The following EXOC5 variants were observed in gnomAD, a reference collection of about 807,000 sequenced individuals.
EXOC5 encodes the protein exocyst complex component 5.
Under a neutral mutation model 90.8 loss-of-function variants are expected in EXOC5, and 17 were observed. The ratio of observed to expected loss-of-function variants is 0.19; its 90% CI spans 0.13 to 0.28. The LOEUF (loss-of-function observed/expected upper bound fraction) is 0.28, where lower values mean the gene tolerates loss of function less well. Among genes scored for constraint, EXOC5 ranks in the 10% least tolerant of loss-of-function variants. EXOC5 has a pLI of 1.00. For synonymous variants in EXOC5, 260 were observed against 270.0 expected (o/e 0.96, Z 0.36); for missense variants, 569 against 830.6 (o/e 0.69, Z 3.87).
intron 12 of EXOC5, among the ~76,000 whole-genome samples, chr14:57,224,587 C>T (rs1883246955): frequency 6.6e-6 from 1 of 152,094 alleles, no homozygotes; most frequent in Non-Finnish European, 1.5e-5. Flanking sequence ...AGTTTAAAAT[C>T]CTCACACACA....
intron 12 of EXOC5, among the ~76,000 whole-genome samples, chr14:57,228,484 GA>G (rs1261933671): frequency 1.3e-5 from 2 of 152,124 alleles, no homozygotes; most frequent in African/African-American, 4.8e-5. Flanking sequence ...ACTGGATAAA[GA>G]AAATGTGGCA....
At chr14:57,220,626 C>A (rs1185805624) in intron 13 of EXOC5, among the ~76,000 whole-genome samples, 1 of 151,618 alleles carries the variant, frequency 6.6e-6, no homozygotes, top group East Asian at 2.0e-4. Flanking sequence ...AAAGTAAGAC[C>A]CCAACTCTAC....
intron 1 of EXOC5, chr14:57,268,317 C>G (rs1049399892): frequency 1.3e-5 from 8 of 620,494 alleles, no homozygotes; most frequent in Non-Finnish European, 1.9e-5. Flanking sequence ...TAGACATCTT[C>G]CAACACCCGA....
At chr14:57,249,815 A>T (rs1884136475) in intron 1 of EXOC5, among the ~76,000 whole-genome samples, 1 of 152,188 alleles carries the variant, frequency 6.6e-6, no homozygotes, top group African/African-American at 2.4e-5. Context: ...CTTGTTGCCC[A>T]GGCTGGAGTG....
Position 57,246,837 on chromosome 14 carries a change from A to T in EXOC5, c.144T>A (p.Asn48Lys). 1.3e-6 allele frequency: 2 copies of T among 1,579,238 alleles called. No individual in the cohort carries two copies. Among genetic ancestry groups the T allele is most frequent in the Non-Finnish European group, 8.6e-7 (1 of 1,156,180 alleles). ...DPKRLLEEFVNHIQELQIMDE... is the reference protein window; with the variant it reads ...DPKRLLEEFVKHIQELQIMDE... ...CCATTATCTGGAGTTCCTGAATATG[A>T]TTTACAAATTCTTCTAATAATCTAA... The change falls in exon 3 of 18, where the codon AAT becomes AAA. Residue 48 changes from asparagine (N) to lysine (K), a missense_variant. Around this residue, in one of 9 missense-constraint regions of EXOC5, gnomAD observed 45 missense variants for 44.6 expected, o/e 1.01. Coordinates refer to ENST00000621441, the MANE Select transcript of EXOC5 (RefSeq NM_006544.4).
intron 12 of EXOC5, among the ~76,000 whole-genome samples, chr14:57,228,143 C>G (rs926589437): frequency 6.6e-6 from 1 of 151,918 alleles, no homozygotes; most frequent in African/African-American, 2.4e-5. Flanking sequence ...CAAATCAAAA[C>G]CACAATGAGA....
rs544692998 is a variant in EXOC5 at position 57,251,999 on chromosome 14, C to T, written c.28-4287G>A. Among the ~76,000 whole-genome samples the T allele has an allele frequency of 2.6e-5, 4 of 152,202 alleles. No individual in the cohort carries two copies. The South Asian group carries it at 6.2e-4, about 24-fold the overall frequency. On this transcript the variant is annotated intron_variant, in intron 1 of 17. Coordinates refer to ENST00000621441, the MANE Select transcript of EXOC5 (RefSeq NM_006544.4). ...CCTAGAAACACAAAATCTACCAAGG[C>T]TAAATCCTGAAAAAACAGATAATAT...
intron 1 of EXOC5, among the ~76,000 whole-genome samples, chr14:57,256,954 T>C (rs956151457): frequency 1.3e-5 from 2 of 152,178 alleles, no homozygotes; most frequent in African/African-American, 2.4e-5. Context: ...TCATAAATGT[T>C]CATCCAAGGT....
Position 57,228,224 on chromosome 14 carries a change from G to A in EXOC5, c.1296+1510C>T, listed in dbSNP as rs139358052. On this transcript the variant is annotated intron_variant, in intron 12 of 17. Coordinates refer to ENST00000621441, the MANE Select transcript of EXOC5 (RefSeq NM_006544.4). Reference sequence around the variant, plus strand: ...AACAACAAATGCTGGAGAGGATGTGGAGAAATAGGAATGCTTCTACACTGC... The same window carrying A: ...AACAACAAATGCTGGAGAGGATGTGAAGAAATAGGAATGCTTCTACACTGC... 1.9e-3 allele frequency among the ~76,000 whole-genome samples: 295 copies of A among 152,280 alleles called. 1 individual carries two copies. The highest frequency in any genetic ancestry group is 6.8e-3 in the African/African-American group (283 of 41,556).
chr14:57,217,428 A>G, intron 15 of EXOC5, among the ~76,000 whole-genome samples: 1 of 152,118 alleles, frequency 6.6e-6, no homozygotes, highest in Non-Finnish European at 1.5e-5. Context: ...GGTAATCCTT[A>G]CAATATTTCA....
chr14:57,236,055 G>A (rs1280259587), intron 6 of EXOC5, among the ~76,000 whole-genome samples: 1 of 152,020 alleles, frequency 6.6e-6, no homozygotes, highest in Non-Finnish European at 1.5e-5. Context: ...GCTTTCCAGG[G>A]TCTGACTGTC....
intron 1 of EXOC5, among the ~76,000 whole-genome samples, chr14:57,266,993 A>G (rs1368855484): frequency 1.3e-5 from 2 of 152,196 alleles, no homozygotes; most frequent in East Asian, 3.8e-4. Context: ...TATGAACTGT[A>G]TGACAACATA....
intron 15 of EXOC5, chr14:57,211,627 T>TTCTA (rs1261318779): frequency 6.6e-6 from 1 of 152,218 alleles, no homozygotes; most frequent in African/African-American, 2.4e-5. Flanking sequence ...CAAGAAAGTG[T>TTCTA]TCTAAGAGGC....
Position 57,204,264 on chromosome 14 carries a change from G to A in EXOC5, c.*4345C>T, listed in dbSNP as rs1054614386. On this transcript the variant is annotated 3_prime_UTR_variant, in exon 18 of 18. Transcript: ENST00000621441. Reference sequence around the variant, plus strand: ...CTTTAATTTGGCAATTAAAATTTCTGTTCTCTAAATGTCAGGTTTCTGTCC... The same window carrying A: ...CTTTAATTTGGCAATTAAAATTTCTATTCTCTAAATGTCAGGTTTCTGTCC... 7 of 152,094 alleles carry A rather than the reference G, an allele frequency of 4.6e-5. No homozygotes were observed. The highest frequency in any genetic ancestry group is 1.0e-4 in the Non-Finnish European group (7 of 67,972). The allele number at this position is 152,094 out of a possible 1,614,324, so 9.4% of individuals were successfully genotyped here.
At chr14:57,222,730 TACACACACATATATATATACAC>T (rs1323376546) in intron 12 of EXOC5, among the ~76,000 whole-genome samples, 3 of 149,470 alleles carry the variant, frequency 2.0e-5, no homozygotes, top group African/African-American at 7.6e-5. Flanking sequence ...ATATATTATA[TACACACACATATATATATACAC>T]ACACACACAC....
chr14:57,214,922 T>C (rs1882928918), intron 15 of EXOC5, among the ~76,000 whole-genome samples: 1 of 152,104 alleles, frequency 6.6e-6, no homozygotes, highest in African/African-American at 2.4e-5. Context: ...TACTAGTGAA[T>C]TCTACCCAAC....
At chr14:57,220,552 A>T (rs1566726872) in intron 13 of EXOC5, among the ~76,000 whole-genome samples, 1 of 152,034 alleles carries the variant, frequency 6.6e-6, no homozygotes, top group Non-Finnish European at 1.5e-5. Context: ...AAAACAAAAA[A>T]TTCTTGGGAG....
In EXOC5 at chr14:57,244,204, A is replaced by G; in HGVS notation, c.426T>C (p.Asp142=). 1 of 1,613,806 alleles carries G rather than the reference A, an allele frequency of 6.2e-7. No individual in the cohort carries two copies. The highest frequency in any genetic ancestry group is 1.1e-5 in the South Asian group (1 of 91,078). ...TAAAAACATCAGATTTCAATTCTCC[A>G]TCTAGAAACTCATTAAAGTATTTCA... The part of the protein sequence containing the change: ...KLMKYFNEFL[D]GELKSDVFTN... The change falls in exon 4 of 18, where the codon GAT becomes GAC. Residue 142 remains aspartate, a synonymous_variant. Transcript: ENST00000621441.
At chr14:57,219,527 T>A (rs1883066461) in intron 13 of EXOC5, 85 bp from the exon 14 acceptor site, 2 of 1,058,898 alleles carry the variant, frequency 1.9e-6, no homozygotes, top group Non-Finnish European at 2.7e-6. Flanking sequence ...GGTTTTTTAA[T>A]CTGTAACATA....
Sources: allele counts gnomAD v4.1 joint callset (sites outside exome capture counted in the v4.1 genomes callset), GRCh38; gene constraint gnomAD v4.1.1; regional missense constraint gnomAD v4.1.1; transcripts MANE v1.5; gene names NCBI Gene and HGNC (gene_info 2026-07-23, HGNC 2026-07-21).